The following USP54 variants were observed in gnomAD, a reference collection of about 807,000 sequenced individuals.
USP54 encodes ubiquitin carboxyl-terminal hydrolase 54.
Under a neutral mutation model 170.5 loss-of-function variants are expected in USP54, and 87 were observed. That is an observed-to-expected ratio of 0.51 (90% CI 0.43 to 0.61). The LOEUF (loss-of-function observed/expected upper bound fraction) is 0.61, where lower values mean the gene tolerates loss of function less well. Ranked by LOEUF, USP54 falls within the 20% of genes least tolerant of loss-of-function variation. USP54 has a pLI of 0.00. For synonymous variants in USP54, 655 were observed against 742.8 expected, an observed-to-expected ratio of 0.88 and a Z score of 1.92; for missense variants, 1,786 against 2,047.8, an observed-to-expected ratio of 0.87 and a Z score of 2.47.
At chr10:73,529,328 G>A (rs902744817) in intron 15 of USP54, among the ~76,000 whole-genome samples, 1 of 152,014 alleles carries the variant, frequency 6.6e-6, no homozygotes, top group African/African-American at 2.4e-5. Flanking sequence ...GAAAGGATCA[G>A]GAAAAATAAT....
intron 1 of USP54, among the ~76,000 whole-genome samples, chr10:73,615,747 C>T (rs1362159174): frequency 6.7e-6 from 1 of 149,038 alleles, no homozygotes; most frequent in Non-Finnish European, 1.5e-5. Context: ...ATAGCAAAAC[C>T]CTTTTTCTAT....
At chr10:73,612,376 T>G (rs1435248542) in intron 1 of USP54, among the ~76,000 whole-genome samples, 1 of 152,158 alleles carries the variant, frequency 6.6e-6, no homozygotes, top group African/African-American at 2.4e-5. Flanking sequence ...ATTCATAAAT[T>G]TATTCAACAG....
chr10:73,565,715 T>C (rs2073611800), intron 4 of USP54, among the ~76,000 whole-genome samples: 1 of 152,206 alleles, frequency 6.6e-6, no homozygotes, highest in South Asian at 2.1e-4. Flanking sequence ...TCTAAAAAAG[T>C]TGAAGACATA....
At chr10:73,505,488 G>T in intron 20 of USP54, 62 bp from the exon 21 acceptor site, 1 of 1,349,586 alleles carries the variant, frequency 7.4e-7, no homozygotes, top group South Asian at 1.3e-5. Context: ...TAACCTCTAA[G>T]CCTAGCAGCA....
chr10:73,570,073 A>T (rs2074824408), intron 4 of USP54, among the ~76,000 whole-genome samples: 2 of 152,130 alleles, frequency 1.3e-5, no homozygotes, highest in Non-Finnish European at 2.9e-5. Flanking sequence ...TATAAATTAA[A>T]CATATAACGA....
chr10:73,593,919 T>C (rs185603697), upstream of USP54, among the ~76,000 whole-genome samples: 11 of 152,276 alleles, frequency 7.2e-5, no homozygotes, highest in East Asian at 1.9e-3. Context: ...AGAGGATTTC[T>C]CTAAGAAAAA....
chr10:73,500,322 A>G (rs866093108), intron 23 of USP54, among the ~76,000 whole-genome samples: 3 of 152,334 alleles, frequency 2.0e-5, no homozygotes, highest in Middle Eastern at 6.8e-3. Flanking sequence ...AGAAGGAGAG[A>G]TGACCATTTC....
chr10:73,511,339 A>ATT (rs112878419), intron 20 of USP54, among the ~76,000 whole-genome samples: 1 of 145,040 alleles, frequency 6.9e-6, no homozygotes, highest in African/African-American at 2.5e-5. Flanking sequence ...TCAATAAAGC[A>ATT]TTTTTTTTTT....
rs188570085 is a variant in USP54 at position 73,544,450 on chromosome 10, T to C, written c.375+1088A>G. Among the ~76,000 whole-genome samples, 74 of 152,374 alleles carry C rather than the reference T, an allele frequency of 4.9e-4. No individual in the cohort carries two copies. The East Asian group carries it at 0.012, about 25-fold the overall frequency. On this transcript the variant is annotated intron_variant, in intron 5 of 23. Transcript: ENST00000687698. ...GTTTTTTACTATTATGAATAACACTTCTATGAACATTCATAAACAGGTTTT... is the reference window on the plus strand; with the variant it reads ...GTTTTTTACTATTATGAATAACACTCCTATGAACATTCATAAACAGGTTTT...
Position 73,498,510 on chromosome 10 carries a change from G to A in USP54, c.*119C>T, listed in dbSNP as rs1230568115. On this transcript the variant is annotated 3_prime_UTR_variant, in exon 24 of 24. Coordinates refer to ENST00000687698, the MANE Select transcript of USP54 (RefSeq NM_001391956.1). ...AGGATGGTCTCAATCTCCTGACCTC[G>A]TGATCCACCCGCCTCAGCCTCCCAA... 16 of 985,688 alleles carry A rather than the reference G, an allele frequency of 1.6e-5. No homozygotes were observed. The highest frequency in any genetic ancestry group is 1.1e-4 in the African/African-American group (7 of 61,746). The allele number at this position is 985,688 out of a possible 1,614,324, so 61.1% of individuals were successfully genotyped here. A position where few individuals can be genotyped will look rare whatever the true frequency, so the allele number is the denominator to read the frequency against.
intron 19 of USP54, chr10:73,518,045 C>T (rs2061330300): frequency 2.0e-6 from 1 of 493,454 alleles, no homozygotes; most frequent in Admixed American, 6.4e-5. Flanking sequence ...TGTGAAGTCG[C>T]ATTCCAATCA....
intron 1 of USP54, among the ~76,000 whole-genome samples, chr10:73,588,038 T>C (rs958983665): frequency 2.0e-5 from 3 of 152,196 alleles, no homozygotes; most frequent in African/African-American, 7.2e-5. Context: ...ATCCTCTATA[T>C]GCATTATCTC....
intron 1 of USP54, among the ~76,000 whole-genome samples, chr10:73,612,357 C>T (rs1589407313): frequency 6.6e-6 from 1 of 152,030 alleles, no homozygotes; most frequent in Middle Eastern, 3.4e-3. Flanking sequence ...CTTTTTCCCC[C>T]TTGTTTTAAT....
intron 1 of USP54, among the ~76,000 whole-genome samples, chr10:73,607,793 T>G (rs1029853746): frequency 2.2e-4 from 31 of 138,044 alleles, no homozygotes; most frequent in African/African-American, 8.2e-4. Context: ...ATCACGCCAC[T>G]GCACCCCAGC....
At chr10:73,612,975 G>A (rs1276264330) in intron 1 of USP54, among the ~76,000 whole-genome samples, 1 of 151,800 alleles carries the variant, frequency 6.6e-6, no homozygotes, top group Non-Finnish European at 1.5e-5. Context: ...TGGCAACATG[G>A]TGAGGCCCCG....
chr10:73,531,391 G>C (rs2063940746), intron 12 of USP54, among the ~76,000 whole-genome samples: 1 of 152,002 alleles, frequency 6.6e-6, no homozygotes, highest in African/African-American at 2.4e-5. Flanking sequence ...ATCTTCCCCA[G>C]TGACCCAGAA....
chr10:73,602,470 G>A (rs886123372), intron 1 of USP54, among the ~76,000 whole-genome samples: 5 of 151,290 alleles, frequency 3.3e-5, no homozygotes, highest in East Asian at 3.9e-4. Flanking sequence ...GGAGAATGGC[G>A]TGAACCCAGG....
chr10:73,543,748 T>TTG, intron 5 of USP54, among the ~76,000 whole-genome samples: 1 of 152,048 alleles, frequency 6.6e-6, no homozygotes, highest in East Asian at 1.9e-4. Context: ...ATGCATTCAT[T>TTG]TGTGTGTGTG....
At chr10:73,543,609 G>A (rs1464722463) in intron 5 of USP54, among the ~76,000 whole-genome samples, 8 of 152,108 alleles carry the variant, frequency 5.3e-5, no homozygotes, top group East Asian at 1.9e-4. Context: ...CTCGTGATCC[G>A]CCCGCCCCAG....
Sources: allele counts gnomAD v4.1 joint callset (sites outside exome capture counted in the v4.1 genomes callset), GRCh38; gene constraint gnomAD v4.1.1; transcripts MANE v1.5; gene names NCBI Gene and HGNC (gene_info 2026-07-23, HGNC 2026-07-21).